Variants in TENM2 observed in about 807,000 individuals in gnomAD.
TENM2 encodes the protein teneurin-2.
In TENM2, 52 loss-of-function variants were observed where a neutral mutation model predicts 245.2. The observed-to-expected ratio is 0.21, with a 90% CI of 0.17 to 0.27. The LOEUF (loss-of-function observed/expected upper bound fraction) is 0.27, where lower values mean the gene tolerates loss of function less well. TENM2 is among the 10% of genes least tolerant of loss of function. The pLI is 1.00. For synonymous variants in TENM2, 1,363 were observed against 1,438.9 expected, an observed-to-expected ratio of 0.95 and a Z score of 1.19; for missense variants, 3,046 against 3,666.8, an observed-to-expected ratio of 0.83 and a Z score of 4.37.
the TENM2 span, among the ~76,000 whole-genome samples, chr5:167,159,801 A>T: frequency 6.6e-6 from 1 of 152,134 alleles, no homozygotes; most frequent in African/African-American, 2.4e-5. Context: ...ATTGCCAATG[A>T]TGGAATATGG....
chr5:167,510,934 G>A (rs1177727598), intron 2 of TENM2, among the ~76,000 whole-genome samples: 2 of 135,814 alleles, frequency 1.5e-5, no homozygotes, highest in Non-Finnish European at 3.4e-5. Context: ...TACACTGTGA[G>A]ATAATAAAAA....
chr5:167,454,336 C>T (rs2127480695), intron 2 of TENM2, among the ~76,000 whole-genome samples: 1 of 152,144 alleles, frequency 6.6e-6, no homozygotes, highest in East Asian at 1.9e-4. Context: ...CTCAAATGAT[C>T]ATAGGCATGA....
In TENM2 at chr5:167,872,555, AAAG is replaced by A. The variant is rs1561881798; in HGVS notation, c.503-3428_503-3426del. Among the ~76,000 whole-genome samples, 7 of 80,150 alleles carry A rather than the reference AAAG, an allele frequency of 8.7e-5. No homozygotes were observed. The South Asian group carries it at 1.6e-3, about 19-fold the overall frequency. 52.6% of individuals were successfully genotyped at this position (80,150 alleles called of 152,430 possible). A position where few individuals can be genotyped will look rare whatever the true frequency, so the allele number is the denominator to read the frequency against. On this transcript the variant is annotated intron_variant, in intron 2 of 28. Coordinates refer to ENST00000518659, the Ensembl canonical transcript of TENM2. ...AAGAAAGAAAGAAAGAAAGAGAAAGAAAGAAAGAAAGAAAGAAAGAAAGAAAGA... is the reference window on the plus strand; with the variant it reads ...AAGAAAGAAAGAAAGAAAGAGAAAGAAAAGAAAGAAAGAAAGAAAGAAAGA...
At chr5:167,155,771 C>T in the TENM2 span, among the ~76,000 whole-genome samples, 14 of 152,232 alleles carry the variant, frequency 9.2e-5, no homozygotes, top group African/African-American at 3.4e-4. Context: ...CATTTCAGTA[C>T]ATTCACTCTG....
chr5:167,486,398 G>A (rs1409556707), intron 2 of TENM2, among the ~76,000 whole-genome samples: 2 of 149,330 alleles, frequency 1.3e-5, no homozygotes, highest in Admixed American at 6.7e-5. Flanking sequence ...GCGCCATCTC[G>A]GCTTGCTGCA....
At chr5:167,640,887 A>C (rs1373527134) in intron 2 of TENM2, among the ~76,000 whole-genome samples, 7 of 68,930 alleles carry the variant, frequency 1.0e-4, no homozygotes, top group African/African-American at 4.9e-4. Flanking sequence ...ATATATATAT[A>C]TATATATATA....
intron 1 of TENM2, among the ~76,000 whole-genome samples, chr5:167,351,318 G>A (rs538519251): frequency 3.4e-4 from 51 of 152,116 alleles, no homozygotes; most frequent in African/African-American, 1.0e-3. Flanking sequence ...ACAACAAAGC[G>A]TCTTTCTTCT....
At chr5:167,548,607 C>A (rs1470554205) in intron 2 of TENM2, among the ~76,000 whole-genome samples, 1 of 152,056 alleles carries the variant, frequency 6.6e-6, no homozygotes, top group Non-Finnish European at 1.5e-5. Flanking sequence ...GGAGACCACA[C>A]CAATTTTGTT....
At chr5:167,532,123 T>G (rs1310077643) in intron 2 of TENM2, among the ~76,000 whole-genome samples, 1 of 152,000 alleles carries the variant, frequency 6.6e-6, no homozygotes, top group African/African-American at 2.4e-5. Flanking sequence ...CATTTTCAGG[T>G]GAGGAAACTG....
At chr5:168,074,408 G>A (rs1009853154) in intron 7 of TENM2, among the ~76,000 whole-genome samples, 18 of 152,242 alleles carry the variant, frequency 1.2e-4, no homozygotes, top group African/African-American at 4.3e-4. Flanking sequence ...TTCCTATTAT[G>A]ACAAAAACAG....
At chr5:167,754,728 C>CAAAAAA (rs10663941) in intron 2 of TENM2, among the ~76,000 whole-genome samples, 2 of 145,162 alleles carry the variant, frequency 1.4e-5, no homozygotes, top group Non-Finnish European at 3.0e-5. Flanking sequence ...AGAGATATTT[C>CAAAAAA]AAAAAAAAAA....
intron 8 of TENM2, among the ~76,000 whole-genome samples, chr5:168,096,160 A>G (rs948664654): frequency 2.6e-5 from 4 of 152,236 alleles, no homozygotes; most frequent in Non-Finnish European, 5.9e-5. Context: ...TTCCCAATAC[A>G]GACAGCCTTG....
chr5:168,027,720 C>T (rs1236362830), intron 5 of TENM2, among the ~76,000 whole-genome samples: 2 of 152,170 alleles, frequency 1.3e-5, no homozygotes, highest in African/African-American at 2.4e-5. Flanking sequence ...CTCAGCTTTG[C>T]GTGGCCCTAT....
chr5:167,710,422 A>G (rs182406257), intron 2 of TENM2, among the ~76,000 whole-genome samples: 53 of 152,298 alleles, frequency 3.5e-4, no homozygotes, highest in African/African-American at 1.3e-3. Context: ...GGGAGCACTT[A>G]AGTAACCTAG....
chr5:167,344,085 A>G (rs187087308), intron 1 of TENM2, among the ~76,000 whole-genome samples: 74 of 150,956 alleles, frequency 4.9e-4, no homozygotes, highest in African/African-American at 1.7e-3. Context: ...AATTCCATCC[A>G]GATTAGAAGT....
intron 2 of TENM2, among the ~76,000 whole-genome samples, chr5:167,445,821 C>G (rs147870128): frequency 6.6e-6 from 1 of 152,094 alleles, no homozygotes; most frequent in African/African-American, 2.4e-5. Context: ...CTGGTCTGGA[C>G]GCCACAAATG....
At chr5:167,869,338 G>A (rs1772609540) in intron 2 of TENM2, among the ~76,000 whole-genome samples, 1 of 152,222 alleles carries the variant, frequency 6.6e-6, no homozygotes, top group Non-Finnish European at 1.5e-5. Context: ...GAATTTGAGT[G>A]TAAGGCGACT....
At position 167,996,198 on chromosome 5, in the gene TENM2, C is replaced by T. The variant is rs527409428; in HGVS notation, c.1186+3016C>T. On this transcript the variant is annotated intron_variant, in intron 5 of 28. Transcript: ENST00000518659. Reference sequence around the variant, plus strand: ...TCTTCCATAGATCCAGGCCCGTGGGCGGGTGTAAAAGCAGAATGCCAGCCC... The same window carrying T: ...TCTTCCATAGATCCAGGCCCGTGGGTGGGTGTAAAAGCAGAATGCCAGCCC... 2.5e-4 allele frequency among the ~76,000 whole-genome samples: 38 copies of T among 152,230 alleles called. No homozygotes were observed. In the South Asian group the frequency reaches 7.3e-3, roughly 29 times the overall value.
At chr5:167,011,595 A>G in the TENM2 span, among the ~76,000 whole-genome samples, 5 of 152,360 alleles carry the variant, frequency 3.3e-5, no homozygotes, top group African/African-American at 1.2e-4. Context: ...ATAGGGCACA[A>G]GTAGGAGACA....
Sources: gnomAD v4.1 joint callset for allele counts (sites outside exome capture counted in the v4.1 genomes callset) on GRCh38, gnomAD v4.1.1 for gene constraint, MANE v1.5 for transcripts, NCBI Gene and HGNC (gene_info 2026-07-23, HGNC 2026-07-21) for gene names.